The following BMPER variants were observed in gnomAD, a reference collection of about 807,000 sequenced individuals.
BMPER encodes the protein BMP-binding endothelial regulator protein.
A neutral mutation model predicts 87.3 loss-of-function variants in BMPER; 45 were observed. That is an observed-to-expected ratio of 0.52 (90% CI 0.41 to 0.66). The LOEUF is 0.66. Among genes scored for constraint, BMPER ranks in the 30% least tolerant of loss-of-function variants. The probability of loss-of-function intolerance (pLI) is 0.00; values close to 1 mark genes in which losing one functional copy is unlikely to be tolerated. For missense variants in BMPER, 784 were observed against 867.5 expected (o/e 0.90, Z 1.21); for synonymous variants, 326 against 316.2 (o/e 1.03, Z -0.33).
chr7:34,026,270 G>A (rs539598813), intron 6 of BMPER, among the ~76,000 whole-genome samples: 1 of 151,998 alleles, frequency 6.6e-6, no homozygotes, highest in East Asian at 1.9e-4. Context: ...CAGTCAGGGG[G>A]ATGAGGCAAA....
At chr7:34,087,335 G>T (rs1346598830) in intron 13 of BMPER, among the ~76,000 whole-genome samples, 3 of 152,158 alleles carry the variant, frequency 2.0e-5, no homozygotes, top group African/African-American at 7.2e-5. Context: ...ACTTTGCAGT[G>T]AGTTAAACAG....
chr7:34,082,224 G>A (rs1215380012), intron 12 of BMPER, among the ~76,000 whole-genome samples: 1 of 151,900 alleles, frequency 6.6e-6, no homozygotes, highest in African/African-American at 2.4e-5. Context: ...GCTGCAGGAA[G>A]GACTATCATC....
intron 6 of BMPER, among the ~76,000 whole-genome samples, chr7:34,005,389 T>C (rs1390429097): frequency 6.6e-6 from 1 of 152,078 alleles, no homozygotes; most frequent in African/African-American, 2.4e-5. Flanking sequence ...AATACACACC[T>C]CAGATTTTTG....
intron 6 of BMPER, among the ~76,000 whole-genome samples, chr7:33,986,110 A>G (rs938543185): frequency 5.9e-5 from 9 of 152,206 alleles, no homozygotes; most frequent in Admixed American, 2.0e-4. Context: ...GACCTTCTGT[A>G]CCTGCTCCCA....
chr7:34,068,362 G>A (rs940590140), intron 11 of BMPER, among the ~76,000 whole-genome samples: 6 of 152,196 alleles, frequency 3.9e-5, no homozygotes, highest in Middle Eastern at 3.2e-3. Flanking sequence ...GTTAAGAAGG[G>A]GAAGAGAAGG....
At chr7:34,051,831 T>G (rs1369337982) in intron 7 of BMPER, 30 bp from the exon 8 acceptor site, 3 of 1,556,050 alleles carry the variant, frequency 1.9e-6, no homozygotes, top group Non-Finnish European at 1.8e-6. Context: ...GATTCTGTCT[T>G]ACTTACACTG....
At chr7:34,129,605 AGAGAAAGAG>A (rs1790505825) in intron 13 of BMPER, among the ~76,000 whole-genome samples, 1 of 117,908 alleles carries the variant, frequency 8.5e-6, no homozygotes, top group African/African-American at 3.3e-5. Context: ...AGAGAGAGAG[AGAGAAAGAG>A]AGAGAGAGAG....
intron 2 of BMPER, among the ~76,000 whole-genome samples, chr7:33,927,656 T>C (rs1585644417): frequency 6.6e-6 from 1 of 152,194 alleles, no homozygotes; most frequent in East Asian, 1.9e-4. Flanking sequence ...TTACCTAATA[T>C]TATTACCACT....
chr7:34,027,708 T>G (rs935404446), intron 6 of BMPER, among the ~76,000 whole-genome samples: 1 of 152,206 alleles, frequency 6.6e-6, no homozygotes, highest in East Asian at 1.9e-4. Flanking sequence ...AAAATGAGCA[T>G]GTCATTTCAA....
intron 7 of BMPER, among the ~76,000 whole-genome samples, chr7:34,047,265 C>T (rs1787999435): frequency 6.6e-6 from 1 of 151,822 alleles, no homozygotes; most frequent in African/African-American, 2.4e-5. Context: ...TCTTCTTCTT[C>T]TTCTTTTTTG....
At chr7:33,994,269 G>A (rs1451648482) in intron 6 of BMPER, among the ~76,000 whole-genome samples, 5 of 151,632 alleles carry the variant, frequency 3.3e-5, no homozygotes, top group African/African-American at 7.3e-5. Flanking sequence ...AGCAATCAGC[G>A]AGACTCCGTG....
intron 3 of BMPER, among the ~76,000 whole-genome samples, chr7:33,945,745 T>C (rs988081618): frequency 2.0e-5 from 3 of 152,192 alleles, no homozygotes; most frequent in African/African-American, 7.2e-5. Flanking sequence ...CATTGCTGGA[T>C]ACCAAGTTAT....
rs1323060057 is a variant in BMPER at position 33,937,382 on chromosome 7, T to A, written c.313T>A (p.Cys105Ser). 6.2e-7 allele frequency: 1 copy of A among 1,614,028 alleles called. No homozygotes were observed. Among genetic ancestry groups the A allele is most frequent in the Admixed American group, 1.7e-5 (1 of 60,028 alleles). Residue 105 changes from cysteine to serine, a missense_variant, in exon 3 of 15, where the codon TGC (cysteine) becomes AGC (serine). Coordinates refer to ENST00000649409, the MANE Select transcript of BMPER (RefSeq NM_001365308.1). ...GCAGAGGGGAGCCTGTTGTGAACAGTGCAAAGGTGATTGATGTCTTGGCCG... is the reference window on the plus strand; with the variant it reads ...GCAGAGGGGAGCCTGTTGTGAACAGAGCAAAGGTGATTGATGTCTTGGCCG... ...IKQRGACCEQ[C>S]KGCTYEGNTY...
intron 11 of BMPER, among the ~76,000 whole-genome samples, chr7:34,070,894 T>C (rs1253559629): frequency 1.4e-5 from 2 of 145,098 alleles, no homozygotes; most frequent in East Asian, 4.5e-4. Context: ...AGGAAACACA[T>C]CAAGAAATGC....
At chr7:34,105,858 ACAAT>A (rs1288301997) in intron 13 of BMPER, among the ~76,000 whole-genome samples, 3 of 152,196 alleles carry the variant, frequency 2.0e-5, no homozygotes, top group African/African-American at 7.2e-5. Context: ...CGGGAATGGA[ACAAT>A]CAGATTTTAG....
intron 6 of BMPER, among the ~76,000 whole-genome samples, chr7:34,019,680 G>A (rs1787128227): frequency 6.6e-6 from 1 of 151,992 alleles, no homozygotes; most frequent in South Asian, 2.1e-4. Context: ...CTACTGTGGG[G>A]CACATCTTGA....
intron 11 of BMPER, among the ~76,000 whole-genome samples, chr7:34,071,718 C>T (rs1260769986): frequency 6.6e-6 from 1 of 152,114 alleles, no homozygotes; most frequent in East Asian, 1.9e-4. Flanking sequence ...CTGGAAGGTG[C>T]TCTGGAGGAC....
At chr7:34,144,485 C>T (rs1790967683) in intron 14 of BMPER, among the ~76,000 whole-genome samples, 1 of 150,684 alleles carries the variant, frequency 6.6e-6, no homozygotes, top group African/African-American at 2.4e-5. Flanking sequence ...AGATTGAAAG[C>T]AGGGTACTAG....
chr7:33,961,556 T>C (rs1371277101), intron 3 of BMPER, among the ~76,000 whole-genome samples: 1 of 152,120 alleles, frequency 6.6e-6, no homozygotes, highest in Non-Finnish European at 1.5e-5. Flanking sequence ...ACCAGCAGCT[T>C]AGCTGAGGCT....
Sources: gnomAD v4.1 joint callset for allele counts (sites outside exome capture counted in the v4.1 genomes callset) on GRCh38, gnomAD v4.1.1 for gene constraint, MANE v1.5 for transcripts, NCBI Gene and HGNC (gene_info 2026-07-23, HGNC 2026-07-21) for gene names.